The following RIN2 variants were observed in gnomAD, a reference collection of about 807,000 sequenced individuals.
The protein encoded by RIN2 is RAB5 interacting protein 2.
Under a neutral mutation model 78.0 loss-of-function variants are expected in RIN2, and 36 were observed. The observed-to-expected ratio is 0.46, with a 90% CI of 0.35 to 0.61. The LOEUF (loss-of-function observed/expected upper bound fraction) is 0.61, where lower values mean the gene tolerates loss of function less well. Ranked by LOEUF, RIN2 falls within the 20% of genes least tolerant of loss-of-function variation. The pLI is 0.00. For synonymous variants in RIN2, 466 were observed against 466.8 expected, an observed-to-expected ratio of 1.00 and a Z score of 0.02; for missense variants, 1,087 against 1,159.7, an observed-to-expected ratio of 0.94 and a Z score of 0.91.
At chr20:19,997,116 G>A (rs1168155036) in intron 12 of RIN2, among the ~76,000 whole-genome samples, 1 of 152,286 alleles carries the variant, frequency 6.6e-6, no homozygotes, top group South Asian at 2.1e-4. Flanking sequence ...TCAAAAAGGA[G>A]GAGGAAGCAC....
chr20:19,930,547 T>C (rs557526095), intron 3 of RIN2, among the ~76,000 whole-genome samples: 96 of 152,282 alleles, frequency 6.3e-4, no homozygotes, highest in Non-Finnish European at 9.4e-4. Context: ...GTAACCAAAG[T>C]GTGGAGAGGG....
At chr20:19,851,020 AG>A in intron 2 of RIN2, among the ~76,000 whole-genome samples, 1 of 122,614 alleles carries the variant, frequency 8.2e-6, no homozygotes, top group Admixed American at 7.7e-5. Flanking sequence ...GAAGGAAGGA[AG>A]GAAGGAAGGA....
At chr20:19,795,583 A>G (rs1158061495) in intron 1 of RIN2, among the ~76,000 whole-genome samples, 1 of 152,166 alleles carries the variant, frequency 6.6e-6, no homozygotes, top group Non-Finnish European at 1.5e-5. Flanking sequence ...ATACAGTCTG[A>G]TGTTAGAAGG....
rs185040086 is a variant in RIN2 at position 19,768,012 on chromosome 20, A to G, written c.-163+9685A>G. Among the ~76,000 whole-genome samples the G allele has an allele frequency of 1.6e-3, 237 of 152,034 alleles. 1 individual carries two copies. Among genetic ancestry groups the G allele is most frequent in the African/African-American group, 5.5e-3 (230 of 41,490 alleles). ...CCAGACCCTCTGAGGGCTTCAGTCCAGGGAGGGAGGCAAGAACTGTACCTG... is the reference window on the plus strand; with the variant it reads ...CCAGACCCTCTGAGGGCTTCAGTCCGGGGAGGGAGGCAAGAACTGTACCTG... On this transcript the variant is annotated intron_variant, in intron 1 of 12. Coordinates refer to ENST00000255006, the MANE Select transcript of RIN2 (RefSeq NM_018993.4).
intron 3 of RIN2, among the ~76,000 whole-genome samples, chr20:19,895,033 C>G (rs1188464071): frequency 6.6e-6 from 1 of 152,088 alleles, no homozygotes; most frequent in Non-Finnish European, 1.5e-5. Context: ...CTGCCTCCAG[C>G]CTTGCCCACC....
chr20:19,859,162 C>G (rs2037255814), intron 2 of RIN2, among the ~76,000 whole-genome samples: 1 of 152,190 alleles, frequency 6.6e-6, no homozygotes, highest in African/African-American at 2.4e-5. Flanking sequence ...TCCTTAGAGG[C>G]ACTAATTGGC....
At chr20:19,931,772 T>A (rs988797449) in intron 3 of RIN2, among the ~76,000 whole-genome samples, 8 of 151,948 alleles carry the variant, frequency 5.3e-5, no homozygotes, top group Admixed American at 2.6e-4. Flanking sequence ...ATACATGTGT[T>A]CATACATACA....
chr20:19,834,948 AG>A (rs1420646266), intron 2 of RIN2, among the ~76,000 whole-genome samples: 67 of 22,776 alleles, frequency 2.9e-3, no homozygotes, highest in African/African-American at 4.7e-3. Flanking sequence ...TGTGAAGAAA[AG>A]AGAGAGAGAG....
rs2042745060 is a variant in RIN2 at position 19,990,070 on chromosome 20, C to G, written c.1827C>G (p.Ala609=). 1 of 1,598,728 alleles carries G rather than the reference C, an allele frequency of 6.3e-7. No homozygotes were observed. Among genetic ancestry groups the G allele is most frequent in the Non-Finnish European group, 8.5e-7 (1 of 1,172,552 alleles). The change falls in exon 10 of 13, where the codon GCC becomes GCG. Residue 609 remains alanine, a synonymous_variant. Coordinates refer to ENST00000255006, the MANE Select transcript of RIN2 (RefSeq NM_018993.4). Reference sequence around the variant, plus strand: ...AGCCCCTCAAGGGGCACGTGGAGGCCATGCTGAAGGACTTTCACATGGCCG... The same window carrying G: ...AGCCCCTCAAGGGGCACGTGGAGGCGATGCTGAAGGACTTTCACATGGCCG... ...ILKPLKGHVE[A]MLKDFHMADG...
intron 11 of RIN2, among the ~76,000 whole-genome samples, chr20:19,993,257 G>C (rs1427057123): frequency 1.3e-5 from 2 of 151,150 alleles, no homozygotes; most frequent in African/African-American, 4.8e-5. Context: ...AGCCCTGGGG[G>C]GGATTGTCAC....
At chr20:19,863,295 C>T (rs2037401956) in intron 2 of RIN2, among the ~76,000 whole-genome samples, 1 of 152,194 alleles carries the variant, frequency 6.6e-6, no homozygotes, top group Admixed American at 6.5e-5. Context: ...AAGGGCTCAC[C>T]TGTCATAGAT....
chr20:19,955,031 T>G (rs1364803856), intron 4 of RIN2, among the ~76,000 whole-genome samples: 1 of 152,148 alleles, frequency 6.6e-6, no homozygotes, highest in Non-Finnish European at 1.5e-5. Context: ...CATTGTGCAA[T>G]TATCACCACT....
At chr20:19,823,330 T>C in intron 2 of RIN2, 1 of 596,794 alleles carries the variant, frequency 1.7e-6, no homozygotes, top group African/African-American at 1.9e-5. Context: ...TACTCTTTCG[T>C]GGCTGTTTGT....
intron 1 of RIN2, among the ~76,000 whole-genome samples, chr20:19,782,970 T>A (rs62200335): frequency 0.07 from 10,729 of 152,224 alleles, 610 homozygotes; most frequent in African/African-American, 0.15. Flanking sequence ...GGACAGTGAG[T>A]GTCTGAAGAC....
chr20:19,888,614 C>T (rs533955831), intron 2 of RIN2, among the ~76,000 whole-genome samples: 9 of 152,310 alleles, frequency 5.9e-5, no homozygotes, highest in East Asian at 3.9e-4. Context: ...GTGTCCGTCA[C>T]GGTTGGCATG....
At chr20:19,942,961 C>T (rs1172523477) in intron 4 of RIN2, among the ~76,000 whole-genome samples, 1 of 152,232 alleles carries the variant, frequency 6.6e-6, no homozygotes, top group Admixed American at 6.5e-5. Flanking sequence ...CATAAAATAT[C>T]TGCTTAGTTA....
intron 2 of RIN2, among the ~76,000 whole-genome samples, chr20:19,861,054 G>C (rs1265728535): frequency 2.6e-5 from 4 of 152,164 alleles, no homozygotes; most frequent in Non-Finnish European, 4.4e-5. Flanking sequence ...TCCTTGTTAA[G>C]TTTAGGGTTA....
At chr20:19,941,982 T>A (rs1013610232) in intron 4 of RIN2, among the ~76,000 whole-genome samples, 1 of 151,666 alleles carries the variant, frequency 6.6e-6, no homozygotes, top group Admixed American at 6.6e-5. Context: ...GCGCAGTGGC[T>A]CATGCCTGTA....
chr20:19,769,789 G>T (rs941882949), intron 1 of RIN2, among the ~76,000 whole-genome samples: 1 of 152,202 alleles, frequency 6.6e-6, no homozygotes. Flanking sequence ...TGTGTTTCAA[G>T]ACCTCAGGAG....
Sources: gnomAD v4.1 joint callset for allele counts (sites outside exome capture counted in the v4.1 genomes callset) on GRCh38, gnomAD v4.1.1 for gene constraint, MANE v1.5 for transcripts, NCBI Gene and HGNC (gene_info 2026-07-23, HGNC 2026-07-21) for gene names.